Variants in TANGO6 observed in about 807,000 individuals in gnomAD.
TANGO6 encodes the protein transport and Golgi organization protein 6 homolog.
In TANGO6, 90 loss-of-function variants were observed where a neutral mutation model predicts 114.2. The observed-to-expected ratio is 0.79, with a 90% CI of 0.66 to 0.94. The LOEUF is 0.94. Ranked by LOEUF, TANGO6 falls within the 40% of genes least tolerant of loss-of-function variation. The probability of loss-of-function intolerance (pLI) is 0.00; values close to 1 mark genes in which losing one functional copy is unlikely to be tolerated. For missense variants in TANGO6, 1,274 were observed against 1,315.3 expected, an observed-to-expected ratio of 0.97 and a Z score of 0.49; for synonymous variants, 477 against 509.8, an observed-to-expected ratio of 0.94 and a Z score of 0.87.
rs1221149435 is a variant in TANGO6, at chr16:68,888,098, C to G, written c.1377+7468C>G. 3.3e-5 allele frequency among the ~76,000 whole-genome samples: 5 copies of G among 152,138 alleles called. No individual in the cohort carries two copies. In the South Asian group the frequency reaches 8.3e-4, roughly 25 times the overall value. On this transcript the variant is annotated intron_variant, in intron 7 of 17. Coordinates refer to ENST00000261778, the MANE Select transcript of TANGO6 (RefSeq NM_024562.2). Reference sequence around the variant, plus strand: ...GTGCTAGGTGAATTGAATTGAAAACCTAGCATAGCCACGTGTACTTCATCT... The same window carrying G: ...GTGCTAGGTGAATTGAATTGAAAACGTAGCATAGCCACGTGTACTTCATCT...
chr16:68,852,785 T>C (rs1961926747), intron 1 of TANGO6, among the ~76,000 whole-genome samples: 1 of 152,080 alleles, frequency 6.6e-6, no homozygotes, highest in Admixed American at 6.6e-5. Flanking sequence ...TGAATTGTGA[T>C]TGCATCACTG....
chr16:69,080,165 G>C lies in TANGO6; in HGVS notation c.3109-3320G>C, dbSNP rs182892378. 4.6e-5 allele frequency among the ~76,000 whole-genome samples: 7 copies of C among 152,356 alleles called. No individual in the cohort carries two copies. The East Asian group carries it at 1.3e-3, about 29-fold the overall frequency. ...AATTGCATTACATTCATCCTCTGCA[G>C]CTATAAAAAATAAGTTATTTCCATA... On this transcript the variant is annotated intron_variant, in intron 17 of 17. Transcript: ENST00000261778.
chr16:68,927,160 T>C (rs2152195687), intron 12 of TANGO6, among the ~76,000 whole-genome samples: 1 of 152,326 alleles, frequency 6.6e-6, no homozygotes, highest in South Asian at 2.1e-4. Flanking sequence ...CCTTATCTTT[T>C]CAAGGGAGAC....
intron 14 of TANGO6, among the ~76,000 whole-genome samples, chr16:68,961,630 C>G (rs1963592172): frequency 6.6e-6 from 1 of 152,178 alleles, no homozygotes; most frequent in Non-Finnish European, 1.5e-5. Context: ...ATAGATTATT[C>G]ACGTGTTTTT....
Position 68,961,974 on chromosome 16 carries a change from G to C in TANGO6, c.2702-12054G>C, listed in dbSNP as rs547952063. Among the ~76,000 whole-genome samples the C allele has an allele frequency of 2.0e-5, 3 of 152,218 alleles. No individual in the cohort carries two copies. The East Asian group carries it at 5.8e-4, about 29-fold the overall frequency. ...TCGTCTAACCCTGTTTTTTCCTCAG[G>C]CCTAAGTAACATTCACTCATCCTGA... On this transcript the variant is annotated intron_variant, in intron 14 of 17. Transcript: ENST00000261778.
chr16:69,018,566 T>C (rs1959346063), intron 15 of TANGO6, among the ~76,000 whole-genome samples: 1 of 152,050 alleles, frequency 6.6e-6, no homozygotes, highest in Non-Finnish European at 1.5e-5. Flanking sequence ...AGTTAACTCC[T>C]TTGTCTTAGT....
chr16:69,011,454 TC>T (rs1964142845), intron 15 of TANGO6, among the ~76,000 whole-genome samples: 1 of 149,482 alleles, frequency 6.7e-6, no homozygotes, highest in Non-Finnish European at 1.5e-5. Context: ...TTTAGTGTGT[TC>T]TTTTTTTTTT....
intron 17 of TANGO6, among the ~76,000 whole-genome samples, chr16:69,072,077 G>A (rs1258811772): frequency 1.2e-4 from 13 of 109,476 alleles, no homozygotes. Flanking sequence ...GTAGAGAGAG[G>A]GAGACCGTGT....
intron 16 of TANGO6, among the ~76,000 whole-genome samples, chr16:69,040,057 A>G (rs1167461455): frequency 6.6e-6 from 1 of 152,216 alleles, no homozygotes; most frequent in Non-Finnish European, 1.5e-5. Context: ...TACAGTACAC[A>G]TATTCCTTCC....
At chr16:68,862,497 G>A (rs138434403) in intron 2 of TANGO6, among the ~76,000 whole-genome samples, 104 of 152,234 alleles carry the variant, frequency 6.8e-4, no homozygotes, top group Middle Eastern at 6.8e-3. Context: ...ACGCCTGGCA[G>A]GAGACAAAAC....
At chr16:69,063,844 A>ATTATAT (rs35522909) in intron 17 of TANGO6, among the ~76,000 whole-genome samples, 3 of 130,130 alleles carry the variant, frequency 2.3e-5, no homozygotes, top group South Asian at 4.7e-4. Flanking sequence ...TATTATTATT[A>ATTATAT]TATTATTTTG....
intron 15 of TANGO6, among the ~76,000 whole-genome samples, chr16:69,013,636 CG>C (rs143150111): frequency 0.033 from 4,601 of 141,118 alleles, 127 homozygotes; most frequent in Non-Finnish European, 0.057. Context: ...AAAAAAAAGG[CG>C]GGGTTGCCTT....
chr16:69,040,494 A>G, intron 17 of TANGO6, 73 bp downstream of exon 17: 1 of 1,290,846 alleles, frequency 7.7e-7, no homozygotes, highest in Non-Finnish European at 1.1e-6. Context: ...TCCTTTTACC[A>G]GGGAAGGCCT....
In TANGO6 at chr16:68,875,911, TTAAA is replaced by T. The variant is rs1469821536; in HGVS notation, c.1131+626_1131+629del. ...TTTAGTTAGTTTTTAAAGGCAGATA[TTAAA>T]TAAACAAGGTAAATTAACATGGCAA... On this transcript the variant is annotated intron_variant, in intron 5 of 17. Coordinates refer to ENST00000261778, the MANE Select transcript of TANGO6 (RefSeq NM_024562.2). Among the ~76,000 whole-genome samples the T allele has an allele frequency of 2.4e-4, 36 of 152,190 alleles. 1 individual carries two copies. The highest frequency in any genetic ancestry group is 2.4e-3 in the Admixed American group (36 of 15,266).
chr16:69,074,798 C>CTG (rs60702668), intron 17 of TANGO6, among the ~76,000 whole-genome samples: 27,286 of 134,960 alleles, frequency 0.2, 2,700 homozygotes, highest in Middle Eastern at 0.22. Context: ...GTTCGAATGC[C>CTG]TGTGTGTGTG....
In TANGO6 at chr16:68,862,016, T is replaced by C. The variant is rs1272146120; in HGVS notation, c.736-929T>C. Among the ~76,000 whole-genome samples the C allele has an allele frequency of 1.5e-4, 23 of 151,430 alleles. No individual in the cohort carries two copies. The East Asian group carries it at 4.1e-3, about 27-fold the overall frequency. On this transcript the variant is annotated intron_variant, in intron 2 of 17. Transcript: ENST00000261778. ...AGCTTATAGATGGAGACATCTATTTTTTTTTAATTTTTTTTTTATTTTTAT... is the reference window on the plus strand; with the variant it reads ...AGCTTATAGATGGAGACATCTATTTCTTTTTAATTTTTTTTTTATTTTTAT...
chr16:69,072,068 T>TGTGG (rs1555530579), intron 17 of TANGO6, among the ~76,000 whole-genome samples: 2 of 100,540 alleles, frequency 2.0e-5, no homozygotes, highest in Non-Finnish European at 4.0e-5. Flanking sequence ...TGTGTGTGTG[T>TGTGG]AGAGAGAGGG....
intron 15 of TANGO6, among the ~76,000 whole-genome samples, chr16:69,005,830 A>G (rs1196257805): frequency 6.6e-6 from 1 of 151,166 alleles, no homozygotes; most frequent in South Asian, 2.1e-4. Context: ...TCCTCATTTT[A>G]CCCAGCCCCT....
At chr16:68,921,189 CT>C (rs987436536) in intron 12 of TANGO6, among the ~76,000 whole-genome samples, 22 of 128,298 alleles carry the variant, frequency 1.7e-4, no homozygotes, top group Non-Finnish European at 2.0e-4. Flanking sequence ...TTTTTCTTTT[CT>C]TTTTTTTTTT....
Sources: allele counts gnomAD v4.1 joint callset (sites outside exome capture counted in the v4.1 genomes callset), GRCh38; gene constraint gnomAD v4.1.1; transcripts MANE v1.5; gene names NCBI Gene and HGNC (gene_info 2026-07-23, HGNC 2026-07-21).